The following CSNK1G1 variants were observed in gnomAD, a reference collection of about 807,000 sequenced individuals.
The protein encoded by CSNK1G1 is casein kinase 1 gamma 1, also known as casein kinase I isoform gamma-1.
A neutral mutation model predicts 59.6 loss-of-function variants in CSNK1G1; 22 were observed. The observed-to-expected ratio is 0.37, with a 90% CI of 0.26 to 0.53. The LOEUF (loss-of-function observed/expected upper bound fraction) is 0.53, where lower values mean the gene tolerates loss of function less well. Among genes scored for constraint, CSNK1G1 ranks in the 20% least tolerant of loss-of-function variants. The pLI is 0.89. For missense variants in CSNK1G1, 384 were observed against 519.5 expected, an observed-to-expected ratio of 0.74 and a Z score of 2.54; for synonymous variants, 179 against 177.1, an observed-to-expected ratio of 1.01 and a Z score of -0.08.
intron 1 of CSNK1G1, among the ~76,000 whole-genome samples, chr15:64,338,223 T>C (rs114850973): frequency 0.012 from 1,886 of 152,296 alleles, 27 homozygotes; most frequent in African/African-American, 0.044. Flanking sequence ...CCACCAGCAA[T>C]AAATAGAGTT....
rs149185945 is a variant in CSNK1G1, at chr15:64,259,022, T to C, written c.222+179A>G. The C allele has an allele frequency of 1.7e-3, 916 of 541,222 alleles. 9 individuals carry two copies. Among genetic ancestry groups the C allele is most frequent in the African/African-American group, 0.016 (838 of 51,524 alleles). The allele number at this position is 541,222 out of a possible 1,614,324, so 33.5% of individuals were successfully genotyped here. On this transcript the variant is annotated intron_variant, in intron 3 of 11. Transcript: ENST00000303052. ...TATCATTTAACTATATAGTGTTATA[T>C]AGTATACAGTGATTCATCACTGTTA...
intron 2 of CSNK1G1, among the ~76,000 whole-genome samples, chr15:64,275,363 G>T (rs1049065181): frequency 4.6e-5 from 7 of 152,116 alleles, no homozygotes; most frequent in Non-Finnish European, 7.3e-5. Context: ...TGAGCAGTAT[G>T]ATTAGGGGTA....
In CSNK1G1 at chr15:64,300,441, T is replaced by G. The variant is rs757726234; in HGVS notation, c.59A>C (p.Gln20Pro). The G allele has an allele frequency of 6.2e-7, 1 of 1,614,214 alleles. No homozygotes were observed. Among genetic ancestry groups the G allele is most frequent in the Admixed American group, 1.7e-5 (1 of 60,016 alleles). The change falls in exon 2 of 12, where the codon CAA (glutamine) becomes CCA (proline). Residue 20 changes from glutamine (Q) to proline (P), a missense_variant. Physicochemically the swap from Gln to Pro is moderately conservative, Grantham distance 76 (BLOSUM62 -1). Coordinates refer to ENST00000303052, the MANE Select transcript of CSNK1G1 (RefSeq NM_022048.5). ...ERQRTTKPMA[Q>P]RSAHCSRPSG... ...TGGTCGAGAGCAGTGTGCACTCCTT[T>G]GTGCCATGGGTTTAGTTGTCCGTTG...
intron 3 of CSNK1G1, among the ~76,000 whole-genome samples, chr15:64,253,160 C>G (rs879389371): frequency 3.9e-5 from 6 of 152,144 alleles, no homozygotes; most frequent in Non-Finnish European, 2.9e-5. Flanking sequence ...GCCTGGGCAA[C>G]ATAGGGAGAC....
rs533868270 is a variant in CSNK1G1, at chr15:64,229,902, A to ATTTTT, written c.293-13194_293-13190dup. Among the ~76,000 whole-genome samples, 298 of 43,788 alleles carry ATTTTT rather than the reference A, an allele frequency of 6.8e-3. 90 individuals are homozygous for ATTTTT. Among genetic ancestry groups the ATTTTT allele is most frequent in the East Asian group, 0.045 (42 of 934 alleles). 28.7% of individuals were successfully genotyped at this position (43,788 alleles called of 152,430 possible). ...CCTATATTTTTGGGCATGTTTGTAA[A>ATTTTT]TTTTTTTTTTTTTTTTTTTTTTTTT... On this transcript the variant is annotated intron_variant, in intron 4 of 11. Coordinates refer to ENST00000303052, the MANE Select transcript of CSNK1G1 (RefSeq NM_022048.5).
chr15:64,278,481 T>C (rs1286996134), intron 2 of CSNK1G1, among the ~76,000 whole-genome samples: 1 of 148,544 alleles, frequency 6.7e-6, no homozygotes, highest in Non-Finnish European at 1.5e-5. Flanking sequence ...CAGGCTGGAG[T>C]GCAGTGGCAC....
At chr15:64,321,013 C>T (rs896253454) in intron 1 of CSNK1G1, among the ~76,000 whole-genome samples, 1 of 151,780 alleles carries the variant, frequency 6.6e-6, no homozygotes, top group Non-Finnish European at 1.5e-5. Context: ...AATACAAATT[C>T]GTAATATAAA....
At chr15:64,203,045 A>T in intron 10 of CSNK1G1, 37 bp downstream of exon 10, 1 of 1,449,668 alleles carries the variant, frequency 6.9e-7, no homozygotes, top group Non-Finnish European at 9.7e-7. Context: ...GCCAAGAAGA[A>T]GGGTAGTGTC....
intron 4 of CSNK1G1, among the ~76,000 whole-genome samples, chr15:64,245,292 C>A (rs1367791174): frequency 1.3e-5 from 2 of 152,066 alleles, no homozygotes; most frequent in African/African-American, 4.8e-5. Context: ...GCAAAGGAAA[C>A]AACTGAGTGA....
intron 1 of CSNK1G1, among the ~76,000 whole-genome samples, chr15:64,351,969 G>T (rs1019340316): frequency 2.0e-5 from 3 of 152,150 alleles, no homozygotes; most frequent in African/African-American, 7.2e-5. Flanking sequence ...CAAAGCATAT[G>T]ATCTCAACTT....
chr15:64,284,152 C>A (rs2140372535), intron 2 of CSNK1G1, among the ~76,000 whole-genome samples: 1 of 152,282 alleles, frequency 6.6e-6, no homozygotes, highest in South Asian at 2.1e-4. Flanking sequence ...ACTAGAGATT[C>A]ATGGGTAGGT....
intron 4 of CSNK1G1, among the ~76,000 whole-genome samples, chr15:64,247,017 T>C (rs923159975): frequency 6.6e-6 from 1 of 152,172 alleles, no homozygotes; most frequent in Admixed American, 6.5e-5. Context: ...GGAGTCATTC[T>C]CATACTGTCA....
At chr15:64,274,766 T>C (rs896184881) in intron 2 of CSNK1G1, among the ~76,000 whole-genome samples, 4 of 152,160 alleles carry the variant, frequency 2.6e-5, no homozygotes, top group African/African-American at 9.7e-5. Flanking sequence ...AGACACTGCA[T>C]TATTTCAAAG....
At chr15:64,208,827 C>T (rs2082214998) in intron 6 of CSNK1G1, among the ~76,000 whole-genome samples, 2 of 152,096 alleles carry the variant, frequency 1.3e-5, no homozygotes, top group Admixed American at 6.6e-5. Flanking sequence ...TGAGCCATTG[C>T]ACCCAGTCCA....
At chr15:64,186,603 G>C (rs1410293480) in intron 10 of CSNK1G1, among the ~76,000 whole-genome samples, 3 of 151,300 alleles carry the variant, frequency 2.0e-5, no homozygotes, top group Admixed American at 6.6e-5. Flanking sequence ...TCAAACTCCT[G>C]GGCTCAAGCG....
chr15:64,269,425 T>C (rs1180530970), intron 2 of CSNK1G1, among the ~76,000 whole-genome samples: 2 of 152,106 alleles, frequency 1.3e-5, no homozygotes, highest in African/African-American at 4.8e-5. Flanking sequence ...TGTCCAGGAA[T>C]TTATGTATCC....
chr15:64,260,262 C>T (rs1892623587), intron 2 of CSNK1G1, among the ~76,000 whole-genome samples: 1 of 152,120 alleles, frequency 6.6e-6, no homozygotes, highest in African/African-American at 2.4e-5. Flanking sequence ...ATATAAAACA[C>T]TCAAAATCTC....
chr15:64,272,425 G>A (rs1366926619), intron 2 of CSNK1G1, among the ~76,000 whole-genome samples: 2 of 152,018 alleles, frequency 1.3e-5, no homozygotes, highest in Non-Finnish European at 2.9e-5. Context: ...CACCGTGTTA[G>A]CCAGGATGGT....
At chr15:64,213,108 AT>A (rs2082268962) in intron 6 of CSNK1G1, among the ~76,000 whole-genome samples, 1 of 151,348 alleles carries the variant, frequency 6.6e-6, no homozygotes, top group Non-Finnish European at 1.5e-5. Flanking sequence ...ATCTGAGAAT[AT>A]TCTGCTTGTC....
Sources: gnomAD v4.1 joint callset for allele counts (sites outside exome capture counted in the v4.1 genomes callset) on GRCh38, gnomAD v4.1.1 for gene constraint, MANE v1.5 for transcripts, NCBI Gene and HGNC (gene_info 2026-07-23, HGNC 2026-07-21) for gene names.